The following ZNF644 variants were observed in gnomAD, a reference collection of about 807,000 sequenced individuals.
ZNF644 encodes the protein zinc finger protein 644.
A neutral mutation model predicts 108.0 loss-of-function variants in ZNF644; 20 were observed. The ratio of observed to expected loss-of-function variants is 0.19; its 90% CI spans 0.13 to 0.27. The LOEUF (loss-of-function observed/expected upper bound fraction) is 0.27, where lower values mean the gene tolerates loss of function less well. Among genes scored for constraint, ZNF644 ranks in the 10% least tolerant of loss-of-function variants. The pLI, the probability that ZNF644 is intolerant of heterozygous loss-of-function variation, is 1.00. For missense variants in ZNF644, 1,338 were observed against 1,548.9 expected, an observed-to-expected ratio of 0.86 and a Z score of 2.29; for synonymous variants, 542 against 539.1, an observed-to-expected ratio of 1.01 and a Z score of -0.08.
rs1204339283 is a variant in ZNF644, at chr1:90,999,554, G to A, written c.-17-17184C>T. ...TGAAGGAAGCACTAAACATGGAAAG[G>A]AACATCCGGTACCAGCCACTGCAAA... is the stretch of plus-strand genomic sequence containing the variant. On this transcript the variant is annotated intron_variant, in intron 1 of 5. Coordinates refer to ENST00000337393, the MANE Select transcript of ZNF644 (RefSeq NM_201269.3). Among the ~76,000 whole-genome samples, 3 of 152,100 alleles carry A rather than the reference G, an allele frequency of 2.0e-5. No homozygotes were observed. The East Asian group carries it at 5.8e-4, about 29-fold the overall frequency.
At chr1:91,012,035 C>G (rs1452079707) in intron 1 of ZNF644, among the ~76,000 whole-genome samples, 1 of 152,048 alleles carries the variant, frequency 6.6e-6, no homozygotes, top group Non-Finnish European at 1.5e-5. Context: ...AACAAAATAT[C>G]AAGTCATAAA....
chr1:90,938,170 A>G lies in ZNF644; in HGVS notation c.3083-80T>C. 2 of 1,606,026 alleles carry G rather than the reference A, an allele frequency of 1.2e-6. No homozygotes were observed. Among genetic ancestry groups the G allele is most frequent in the Non-Finnish European group, 1.7e-6 (2 of 1,174,718 alleles). ...CTAAAATGAGTTAATTCTGAAACAT[A>G]AAATTATGATTCTAATAAAGACTAA... On this transcript the variant is annotated intron_variant, in intron 3 of 5. Coordinates refer to ENST00000337393, the MANE Select transcript of ZNF644 (RefSeq NM_201269.3). The surrounding 1 kb of genome is among the most constrained non-coding windows in gnomAD (Gnocchi z 4.2).
rs549784237 is a variant in ZNF644, at chr1:91,000,992, G to T, written c.-17-18622C>A. Among the ~76,000 whole-genome samples the T allele has an allele frequency of 3.3e-3, 507 of 152,128 alleles. 4 individuals carry two copies. Among genetic ancestry groups the T allele is most frequent in the Admixed American group, 6.1e-3 (93 of 15,274 alleles). On this transcript the variant is annotated intron_variant, in intron 1 of 5. Transcript: ENST00000337393. ...CTCCCAAGACTAAACCAGGAAGAAG[G>T]TGAATCCCTGAATAGACCAATAACA...
intron 1 of ZNF644, among the ~76,000 whole-genome samples, chr1:90,999,430 G>T (rs548961164): frequency 2.0e-5 from 3 of 152,172 alleles, no homozygotes; most frequent in Admixed American, 2.0e-4. Flanking sequence ...GAATTTCATA[G>T]CCAGCCAAAC....
chr1:91,007,445 C>T (rs1363334238), intron 1 of ZNF644, among the ~76,000 whole-genome samples: 7 of 151,832 alleles, frequency 4.6e-5, no homozygotes, highest in Admixed American at 4.6e-4. Flanking sequence ...AATTCCTGAC[C>T]TCAGGTGATC....
intron 1 of ZNF644, among the ~76,000 whole-genome samples, chr1:91,017,534 A>C (rs1388056208): frequency 3.3e-5 from 5 of 152,256 alleles, no homozygotes; most frequent in African/African-American, 4.8e-5. Context: ...TTCCTCCTGG[A>C]AAGTTACTCT....
At position 91,006,344 on chromosome 1, in the gene ZNF644, G is replaced by C. The variant is rs75550139; in HGVS notation, c.-18+15646C>G. 1.1e-4 allele frequency among the ~76,000 whole-genome samples: 16 copies of C among 152,326 alleles called. No individual in the cohort carries two copies. The East Asian group carries it at 3.1e-3, about 29-fold the overall frequency. On this transcript the variant is annotated intron_variant, in intron 1 of 5. Transcript: ENST00000337393. ...AGATCATTTGAGCCCAGGAGTTCCA[G>C]GCTGCAGTGAGCCAAGACTGTGCCA...
At chr1:90,967,764 A>C (rs1025310823) in intron 2 of ZNF644, among the ~76,000 whole-genome samples, 6 of 151,812 alleles carry the variant, frequency 4.0e-5, no homozygotes, top group African/African-American at 1.5e-4. Flanking sequence ...ATCCAAGCTT[A>C]TGGCCAGGCA....
At chr1:90,964,256 G>A (rs1000481412) in intron 2 of ZNF644, among the ~76,000 whole-genome samples, 1 of 151,590 alleles carries the variant, frequency 6.6e-6, no homozygotes, top group Admixed American at 6.6e-5. Flanking sequence ...GTTTATATAA[G>A]AGAAAATAAA....
intron 2 of ZNF644, among the ~76,000 whole-genome samples, chr1:90,976,008 C>G (rs1655972365): frequency 6.6e-6 from 1 of 152,130 alleles, no homozygotes; most frequent in African/African-American, 2.4e-5. Context: ...GGAAACAGTT[C>G]AAATAATAAA....
At position 90,939,144 on chromosome 1, in the gene ZNF644, T is replaced by C. The variant is rs1443555195; in HGVS notation, c.2210A>G (p.His737Arg). ...TTCATATTTGTGTCTATACAAATAG[T>C]GGCTATTTGCCTTGGCATTAGACTT... The part of the protein sequence containing the change: ...KEKSNAKANS[H>R]YLYRHKYENY... Residue 737 changes from histidine (H) to arginine (R), a missense_variant, in exon 3 of 6, where the codon CAC becomes CGC. This residue lies in a region of ZNF644 where 462 missense variants were observed against 472.6 expected (regional missense o/e 0.98). Transcript: ENST00000337393. The C allele has an allele frequency of 1.9e-6, 3 of 1,613,740 alleles. No individual in the cohort carries two copies. Among genetic ancestry groups the C allele is most frequent in the Non-Finnish European group, 2.5e-6 (3 of 1,179,920 alleles).
chr1:90,984,736 G>A (rs114442010), intron 1 of ZNF644, among the ~76,000 whole-genome samples: 292 of 152,158 alleles, frequency 1.9e-3, no homozygotes, highest in African/African-American at 6.9e-3. Context: ...CACACACAGA[G>A]GGCAGGCTCT....
chr1:90,955,528 T>C (rs1032776591), intron 2 of ZNF644, among the ~76,000 whole-genome samples: 3 of 152,328 alleles, frequency 2.0e-5, no homozygotes, highest in Middle Eastern at 3.4e-3. Context: ...TTGCTGCAGC[T>C]TCTACATCAG....
rs2100749975 is a variant in ZNF644, at chr1:90,916,554, T to A, written c.*244A>T. On this transcript the variant is annotated 3_prime_UTR_variant, in exon 6 of 6. Transcript: ENST00000337393. ...TGGCTGCTTACATGTACTGCTCTTT[T>A]ACTGAGTGAACACAGTTAACCAACA... The A allele has an allele frequency of 3.9e-6, 2 of 511,908 alleles. No individual in the cohort carries two copies. Among genetic ancestry groups the A allele is most frequent in the Non-Finnish European group, 3.5e-6 (1 of 285,386 alleles). The allele number at this position is 511,908 out of a possible 1,614,324, so 31.7% of individuals were successfully genotyped here. A position where few individuals can be genotyped will look rare whatever the true frequency, so the allele number is the denominator to read the frequency against.
chr1:90,958,509 A>C (rs1653991677), intron 2 of ZNF644, among the ~76,000 whole-genome samples: 1 of 152,130 alleles, frequency 6.6e-6, no homozygotes, highest in African/African-American at 2.4e-5. Context: ...CGAGTCCCTG[A>C]ACAACAAAAA....
chr1:91,021,755 T>A (rs926790311), intron 1 of ZNF644: 1 of 285,810 alleles, frequency 3.5e-6, no homozygotes, highest in East Asian at 5.4e-5. Context: ...CCCGGGCTCC[T>A]TGTGTAGCAC....
intron 1 of ZNF644, among the ~76,000 whole-genome samples, chr1:91,007,220 A>ATTTTTTTTTTTTTTTT (rs1557658483): frequency 9.9e-5 from 3 of 30,274 alleles, no homozygotes; most frequent in African/African-American, 3.0e-4. Flanking sequence ...ATTTTCTCCC[A>ATTTTTTTTTTTTTTTT]TTTTGTTTTT....
At position 90,981,647 on chromosome 1, in the gene ZNF644, G is replaced by A. The variant is rs77642238; in HGVS notation, c.44+663C>T. ...TAGTAAATGTATCTTTTTAAAACAT[G>A]TCAACGGCTTATATTATTAAAAAGC... On this transcript the variant is annotated intron_variant, in intron 2 of 5. Transcript: ENST00000337393. Among the ~76,000 whole-genome samples the A allele has an allele frequency of 1.7e-3, 252 of 151,994 alleles. 2 individuals are homozygous for A. Among genetic ancestry groups the A allele is most frequent in the African/African-American group, 6.0e-3 (248 of 41,490 alleles).
At chr1:90,918,023 TG>T in intron 5 of ZNF644, 28 bp downstream of exon 5, 1 of 1,561,112 alleles carries the variant, frequency 6.4e-7, no homozygotes, top group Non-Finnish European at 8.8e-7. Flanking sequence ...ATGAAGAAAC[TG>T]ATCAGATTTG....
Sources: gnomAD v4.1 joint callset for allele counts (sites outside exome capture counted in the v4.1 genomes callset) on GRCh38, gnomAD v4.1.1 for gene constraint, gnomAD v4.1.1 regional missense constraint, Gnocchi (gnomAD v3.1) non-coding constraint, MANE v1.5 for transcripts, NCBI Gene and HGNC (gene_info 2026-07-23, HGNC 2026-07-21) for gene names.